TSPAN11: variants seen among roughly 807,000 people sequenced by gnomAD.
The protein encoded by TSPAN11 is tetraspanin 11, also known as tetraspanin-11.
In TSPAN11, 29 loss-of-function variants were observed where a neutral mutation model predicts 32.9. That is an observed-to-expected ratio of 0.88 (90% CI 0.66 to 1.20). The LOEUF (loss-of-function observed/expected upper bound fraction) is 1.20, where lower values mean the gene tolerates loss of function less well. Among genes scored for constraint, TSPAN11 ranks in the 50% most tolerant of loss-of-function variants. The pLI is 0.00. For synonymous variants in TSPAN11, 140 were observed against 141.3 expected (o/e 0.99, Z 0.07); for missense variants, 283 against 329.1 (o/e 0.86, Z 1.08).
chr12:30,963,852 G>A lies in TSPAN11; in HGVS notation c.111G>A (p.Val37=). 1.2e-6 allele frequency: 2 copies of A among 1,610,644 alleles called. No homozygotes were observed. Among genetic ancestry groups the A allele is most frequent in the Non-Finnish European group, 1.7e-6 (2 of 1,179,984 alleles). Residue 37 remains valine, a synonymous_variant, in exon 3 of 8, where the codon GTG becomes GTA. Coordinates refer to ENST00000546076, the MANE Select transcript of TSPAN11 (RefSeq NM_001370302.1). ...TCGGGGGAGCAGCCGTCCTGGCTGT[G>A]GGCATCTGGACCCTGGTGGAGAAGA... ...FWVGGAAVLA[V]GIWTLVEKSG...
At chr12:30,971,955 A>T (rs1938861157) in intron 3 of TSPAN11, among the ~76,000 whole-genome samples, 1 of 152,208 alleles carries the variant, frequency 6.6e-6, no homozygotes, top group Admixed American at 6.5e-5. Context: ...CTGTTCCATT[A>T]AAGAATTAAT....
At chr12:30,936,194 T>C (rs1938041280) in intron 1 of TSPAN11, among the ~76,000 whole-genome samples, 1 of 152,262 alleles carries the variant, frequency 6.6e-6, no homozygotes, top group Non-Finnish European at 1.5e-5. Context: ...GCTTAATTCC[T>C]GCTCTTCCTT....
chr12:30,933,482 C>T (rs1263523368), intron 1 of TSPAN11, among the ~76,000 whole-genome samples: 1 of 152,030 alleles, frequency 6.6e-6, no homozygotes, highest in East Asian at 1.9e-4. Flanking sequence ...TATGTTCCCC[C>T]TTCCAGCTCC....
chr12:30,960,244 G>A (rs932696304), intron 2 of TSPAN11, among the ~76,000 whole-genome samples: 3 of 151,884 alleles, frequency 2.0e-5, no homozygotes, highest in African/African-American at 7.3e-5. Flanking sequence ...AGACTTTTCA[G>A]TCCAGTGTGG....
intron 2 of TSPAN11, among the ~76,000 whole-genome samples, chr12:30,961,636 G>A (rs11612313): frequency 0.18 from 27,188 of 151,940 alleles, 2,713 homozygotes; most frequent in African/African-American, 0.21. Context: ...GGACTGGGAC[G>A]GGGTGGAGGC....
intron 7 of TSPAN11, among the ~76,000 whole-genome samples, chr12:30,983,815 A>T (rs78338344): frequency 0.019 from 2,852 of 152,272 alleles, 93 homozygotes; most frequent in African/African-American, 0.065. Context: ...AGATGAGTTA[A>T]GGTATTATAT....
chr12:30,968,054 G>A (rs761654061), intron 3 of TSPAN11, among the ~76,000 whole-genome samples: 9 of 152,208 alleles, frequency 5.9e-5, no homozygotes, highest in African/African-American at 2.2e-4. Context: ...CAGTGTAAAA[G>A]TGCTGTATGG....
the TSPAN11 span, among the ~76,000 whole-genome samples, chr12:31,003,189 C>T: frequency 1.3e-5 from 2 of 152,218 alleles, no homozygotes; most frequent in Non-Finnish European, 2.9e-5. Context: ...AATTCTGCCC[C>T]AATGAGATCA....
chr12:30,985,628 G>A (rs1025840801), intron 7 of TSPAN11, among the ~76,000 whole-genome samples: 1 of 152,210 alleles, frequency 6.6e-6, no homozygotes, highest in African/African-American at 2.4e-5. Flanking sequence ...CAGGTGTTGA[G>A]GGGGCCTGCT....
At chr12:30,983,432 A>AC (rs1309123485) in intron 7 of TSPAN11, among the ~76,000 whole-genome samples, 1 of 151,852 alleles carries the variant, frequency 6.6e-6, no homozygotes, top group African/African-American at 2.4e-5. Flanking sequence ...ATGTGCATGC[A>AC]CCCCATGTGT....
downstream of TSPAN11, among the ~76,000 whole-genome samples, chr12:30,999,601 T>C (rs1000410970): frequency 6.6e-6 from 1 of 152,152 alleles, no homozygotes; most frequent in African/African-American, 2.4e-5. Context: ...GGTTTTTGTA[T>C]GGGTACTGAA....
chr12:30,944,928 G>T (rs1938237291), intron 1 of TSPAN11, among the ~76,000 whole-genome samples: 1 of 152,192 alleles, frequency 6.6e-6, no homozygotes, highest in Non-Finnish European at 1.5e-5. Context: ...AAGCTGATAG[G>T]ATCCTAAGAG....
chr12:30,941,751 G>A (rs12318632), intron 1 of TSPAN11, among the ~76,000 whole-genome samples: 6,765 of 152,280 alleles, frequency 0.044, 372 homozygotes, highest in East Asian at 0.14. Context: ...GCTGCCTCCT[G>A]GAACCCCACC....
rs1483546564 is a variant in TSPAN11 at position 30,992,099 on chromosome 12, C to T, written c.*184C>T. The T allele has an allele frequency of 1.1e-5, 7 of 646,158 alleles. No individual in the cohort carries two copies. Among genetic ancestry groups the T allele is most frequent in the East Asian group, 5.5e-5 (2 of 36,358 alleles). The allele number at this position is 646,158 out of a possible 1,614,324, so 40.0% of individuals were successfully genotyped here. ...TTCTGTGCCCACCCAGGCAGAGACC[C>T]TCGGCCCCCTCTCCTCCATTTCTGA... On this transcript the variant is annotated 3_prime_UTR_variant, in exon 8 of 8. Transcript: ENST00000546076.
the TSPAN11 span, among the ~76,000 whole-genome samples, chr12:31,010,170 C>A: frequency 2.0e-5 from 3 of 152,104 alleles, no homozygotes; most frequent in Non-Finnish European, 4.4e-5. Context: ...CCCCTCACAC[C>A]CTTGTGAGAT....
intron 1 of TSPAN11, among the ~76,000 whole-genome samples, chr12:30,947,275 G>A (rs191675122): frequency 6.6e-6 from 1 of 152,204 alleles, no homozygotes; most frequent in African/African-American, 2.4e-5. Flanking sequence ...GCTGGAAGTG[G>A]TTGCTAGAAA....
At chr12:31,011,339 T>C in the TSPAN11 span, among the ~76,000 whole-genome samples, 1 of 152,188 alleles carries the variant, frequency 6.6e-6, no homozygotes, top group Non-Finnish European at 1.5e-5. Context: ...GTAGTCCCCC[T>C]GAAAGATTTA....
At position 30,945,069 on chromosome 12, in the gene TSPAN11, G is replaced by C. The variant is rs117300210; in HGVS notation, c.-11-8912G>C. ...CCCATGCTGCCCAGCCATTCCCCCA[G>C]GCCTTTGCTCACACTGCCCCATCTG... On this transcript the variant is annotated intron_variant, in intron 1 of 7. Coordinates refer to ENST00000546076, the MANE Select transcript of TSPAN11 (RefSeq NM_001370302.1). Among the ~76,000 whole-genome samples, 1,184 of 152,180 alleles carry C rather than the reference G, an allele frequency of 7.8e-3. 75 individuals are homozygous for C. In the South Asian group the frequency reaches 0.15, roughly 19 times the overall value.
At chr12:31,006,193 TATC>T in the TSPAN11 span, among the ~76,000 whole-genome samples, 1 of 152,194 alleles carries the variant, frequency 6.6e-6, no homozygotes, top group Admixed American at 6.5e-5. Flanking sequence ...ATGGCCAAGC[TATC>T]ATCTAGTCTA....
Sources: allele counts gnomAD v4.1 joint callset (sites outside exome capture counted in the v4.1 genomes callset), GRCh38; gene constraint gnomAD v4.1.1; transcripts MANE v1.5; gene names NCBI Gene and HGNC (gene_info 2026-07-23, HGNC 2026-07-21).